Variants in FSTL4 observed in about 807,000 individuals in gnomAD.
FSTL4 encodes the protein follistatin-related protein 4.
Under a neutral mutation model 78.2 loss-of-function variants are expected in FSTL4, and 28 were observed. The observed-to-expected ratio is 0.36, with a 90% CI of 0.27 to 0.49. FSTL4 has a LOEUF of 0.49. FSTL4 is among the 20% of genes least tolerant of loss of function. The probability of loss-of-function intolerance (pLI) is 0.98; values close to 1 mark genes in which losing one functional copy is unlikely to be tolerated. For missense variants in FSTL4, 922 were observed against 1,084.9 expected (o/e 0.85, Z 2.11); for synonymous variants, 422 against 440.5 (o/e 0.96, Z 0.53).
chr5:133,347,464 A>C (rs1286951600), intron 4 of FSTL4, among the ~76,000 whole-genome samples: 1 of 152,176 alleles, frequency 6.6e-6, no homozygotes, highest in Non-Finnish European at 1.5e-5. Flanking sequence ...CTCCTGCCTC[A>C]GCCTCCTGAG....
At chr5:133,404,785 T>C (rs1043033064) in intron 3 of FSTL4, among the ~76,000 whole-genome samples, 1 of 152,104 alleles carries the variant, frequency 6.6e-6, no homozygotes, top group Non-Finnish European at 1.5e-5. Flanking sequence ...TGAGTCTACA[T>C]CCACATGGAG....
chr5:133,827,358 AC>A, the FSTL4 span, among the ~76,000 whole-genome samples: 19 of 152,140 alleles, frequency 1.2e-4, no homozygotes, highest in African/African-American at 4.3e-4. Flanking sequence ...GATCAACTGA[AC>A]AAAGTCAGGG....
chr5:133,422,684 A>T (rs1756724090), intron 3 of FSTL4, among the ~76,000 whole-genome samples: 1 of 152,206 alleles, frequency 6.6e-6, no homozygotes, highest in African/African-American at 2.4e-5. Context: ...TTTTAAAGTC[A>T]TGGGACTAGA....
the FSTL4 span, among the ~76,000 whole-genome samples, chr5:133,794,919 C>T: frequency 6.6e-6 from 1 of 152,224 alleles, no homozygotes; most frequent in East Asian, 1.9e-4. Flanking sequence ...AGTGATTCCT[C>T]TTTCCCACTG....
intron 6 of FSTL4, among the ~76,000 whole-genome samples, chr5:133,299,432 T>C (rs897617833): frequency 1.3e-5 from 2 of 152,198 alleles, no homozygotes; most frequent in Non-Finnish European, 2.9e-5. Context: ...CTGCTTCCCC[T>C]TCACATGGGC....
chr5:133,451,476 G>A (rs892325268), intron 3 of FSTL4, among the ~76,000 whole-genome samples: 2 of 152,110 alleles, frequency 1.3e-5, no homozygotes, highest in African/African-American at 2.4e-5. Flanking sequence ...CAGAAGAATC[G>A]CTTGAACCCA....
At chr5:133,490,369 GTT>G (rs35271238) in intron 3 of FSTL4, among the ~76,000 whole-genome samples, 5 of 142,714 alleles carry the variant, frequency 3.5e-5, no homozygotes, top group South Asian at 2.3e-4. Flanking sequence ...AATTTTAAAA[GTT>G]TTTTTTTTTT....
rs184958056 is a variant in FSTL4, at chr5:133,320,641, T to A, written c.410-3989A>T. ...GAGCCCATTATTGAAATGAGCTCTT[T>A]CACGTAGTCCAGCCCTCGTCTGCTG... On this transcript the variant is annotated intron_variant, in intron 4 of 15. Transcript: ENST00000265342. Among the ~76,000 whole-genome samples the A allele has an allele frequency of 7.7e-3, 1,169 of 152,314 alleles. 14 individuals are homozygous for A. The highest frequency in any genetic ancestry group is 0.026 in the African/African-American group (1,097 of 41,574).
chr5:133,693,125 C>T, the FSTL4 span, among the ~76,000 whole-genome samples: 2 of 152,194 alleles, frequency 1.3e-5, no homozygotes, highest in South Asian at 2.1e-4. Flanking sequence ...CCTGGCTCAC[C>T]CTTCTGGGTG....
At chr5:133,311,047 T>C (rs1003218763) in intron 6 of FSTL4, among the ~76,000 whole-genome samples, 1 of 152,166 alleles carries the variant, frequency 6.6e-6, no homozygotes, top group Non-Finnish European at 1.5e-5. Flanking sequence ...CCCCTTCCCC[T>C]TTTTGGTAGC....
At chr5:133,692,112 T>C in the FSTL4 span, among the ~76,000 whole-genome samples, 2 of 152,148 alleles carry the variant, frequency 1.3e-5, no homozygotes, top group East Asian at 1.9e-4. Flanking sequence ...GAAGCTGCCC[T>C]GAAGAGGTGT....
At chr5:133,839,937 C>G in the FSTL4 span, among the ~76,000 whole-genome samples, 29 of 152,372 alleles carry the variant, frequency 1.9e-4, no homozygotes, top group East Asian at 3.7e-3. Flanking sequence ...CTGCCAGCTA[C>G]AGTGAGCTGC....
At chr5:133,715,352 A>G in the FSTL4 span, among the ~76,000 whole-genome samples, 4,704 of 152,328 alleles carry the variant, frequency 0.031, 257 homozygotes, top group African/African-American at 0.11. Context: ...AAATTATGCT[A>G]AGTAGCTTCA....
chr5:133,656,288 C>T, the FSTL4 span, among the ~76,000 whole-genome samples: 1 of 152,078 alleles, frequency 6.6e-6, no homozygotes, highest in Non-Finnish European at 1.5e-5. Context: ...TAGTATAAAA[C>T]ACATGTCTCT....
chr5:133,422,559 G>GA (rs58139907), intron 3 of FSTL4, among the ~76,000 whole-genome samples: 29,756 of 147,922 alleles, frequency 0.2, 3,012 homozygotes, highest in Non-Finnish European at 0.23. Flanking sequence ...GGTTTGGAAG[G>GA]AAAAAAAAAA....
chr5:133,331,109 C>G (rs866077629), intron 4 of FSTL4, among the ~76,000 whole-genome samples: 3 of 152,138 alleles, frequency 2.0e-5, no homozygotes, highest in Non-Finnish European at 4.4e-5. Flanking sequence ...GGGGTAGAGA[C>G]AGCAAGCCCC....
At chr5:133,796,650 C>T in the FSTL4 span, among the ~76,000 whole-genome samples, 16 of 151,950 alleles carry the variant, frequency 1.1e-4, no homozygotes, top group African/African-American at 2.2e-4. Context: ...CTTTCTCTGC[C>T]GCGTCATTCC....
chr5:133,314,655 G>C (rs1199143501), intron 5 of FSTL4, among the ~76,000 whole-genome samples: 1 of 151,838 alleles, frequency 6.6e-6, no homozygotes, highest in Non-Finnish European at 1.5e-5. Context: ...AGCCTGCCAG[G>C]GTTTCATCTC....
intron 3 of FSTL4, among the ~76,000 whole-genome samples, chr5:133,447,720 A>G (rs1757297112): frequency 6.6e-6 from 1 of 152,158 alleles, no homozygotes; most frequent in African/African-American, 2.4e-5. Flanking sequence ...TTGTATTTTT[A>G]GTAGAGACAG....
Sources: allele counts gnomAD v4.1 joint callset (sites outside exome capture counted in the v4.1 genomes callset), GRCh38; gene constraint gnomAD v4.1.1; transcripts MANE v1.5; gene names NCBI Gene and HGNC (gene_info 2026-07-23, HGNC 2026-07-21).